Variants in ADAM11 observed in about 807,000 individuals in gnomAD.
ADAM11 encodes the protein ADAM metallopeptidase domain 11.
In ADAM11, 49 loss-of-function variants were observed where a neutral mutation model predicts 119.1. That is an observed-to-expected ratio of 0.41 (90% CI 0.33 to 0.52). The LOEUF (loss-of-function observed/expected upper bound fraction) is 0.52, where lower values mean the gene tolerates loss of function less well. Ranked by LOEUF, ADAM11 falls within the 20% of genes least tolerant of loss-of-function variation. The probability of loss-of-function intolerance (pLI) is 0.20; values close to 1 mark genes in which losing one functional copy is unlikely to be tolerated. For missense variants in ADAM11, 777 were observed against 1,047.5 expected, an observed-to-expected ratio of 0.74 and a Z score of 3.56; for synonymous variants, 364 against 408.0, an observed-to-expected ratio of 0.89 and a Z score of 1.30.
intron 2 of ADAM11, among the ~76,000 whole-genome samples, chr17:44,765,902 A>G (rs1366995921): frequency 6.6e-6 from 1 of 152,196 alleles, no homozygotes; most frequent in African/African-American, 2.4e-5. Context: ...GGCGTAAGCC[A>G]CTGCTCCTGG....
chr17:44,778,274 C>T lies in ADAM11; in HGVS notation c.2276+32C>T, dbSNP rs1415347498. On this transcript the variant is annotated intron_variant, in intron 25 of 26. Transcript: ENST00000200557. ...GACACACACACCCTGTGCCCCCTGG[C>T]ATCCTTGAGGGGGGATCAGAATCCC... 5 of 1,587,252 alleles carry T rather than the reference C, an allele frequency of 3.2e-6. No homozygotes were observed. The South Asian group carries it at 3.4e-5, about 11-fold the overall frequency.
chr17:44,759,522 G>A, intron 1 of ADAM11, 200 bp from the exon 2 acceptor site: 1 of 1,243,170 alleles, frequency 8.0e-7, no homozygotes, highest in Non-Finnish European at 1.0e-6. Context: ...GGGGGCAGTC[G>A]TGACGGTTGG....
chr17:44,776,957 G>A lies in ADAM11; in HGVS notation c.1676G>A (p.Gly559Asp). ...TRDRQCQVLWGHAAADRFCYE... is the reference protein window; with the variant it reads ...TRDRQCQVLWDHAAADRFCYE... ...GACCGGCAGTGCCAGGTTCTTTGGG[G>A]CCATGGTGAGTCTGGCTAGGGCTGG... is the stretch of plus-strand genomic sequence containing the variant. The change falls in exon 20 of 27, where the codon GGC (glycine) becomes GAC (aspartate). Residue 559 changes from glycine (G) to aspartate (D), a missense_variant. Gly to Asp is a moderately conservative substitution (Grantham distance 94). Around this residue, in one of 4 missense-constraint regions of ADAM11, gnomAD observed 348 missense variants for 486.7 expected, o/e 0.72. Transcript: ENST00000200557. This position sits in a 1 kb window ranked among gnomAD's most constrained non-coding sequence, Gnocchi z 5.2. 6.2e-7 allele frequency: 1 copy of A among 1,612,396 alleles called. No individual in the cohort carries two copies. The highest frequency in any genetic ancestry group is 1.3e-5 in the African/African-American group (1 of 75,008).
At chr17:44,766,547 C>A (rs2145212440) in intron 2 of ADAM11, among the ~76,000 whole-genome samples, 1 of 152,272 alleles carries the variant, frequency 6.6e-6, no homozygotes, top group Admixed American at 6.5e-5. Context: ...GCCAGGCAGT[C>A]ACAGCTGCTG....
At position 44,780,540 on chromosome 17, in the gene ADAM11, A is replaced by C; in HGVS notation, c.*786A>C. On this transcript the variant is annotated 3_prime_UTR_variant, in exon 27 of 27. Transcript: ENST00000200557. The stretch of plus-strand genomic sequence containing the variant: ...CGTCCTGCTGTCCCTGTCAGGACAC[A>C]TGGATTTTGGCAGGGCGGGGGGGGT... The C allele has an allele frequency of 5.2e-6, 1 of 193,034 alleles. No individual in the cohort carries two copies. Among genetic ancestry groups the C allele is most frequent in the Non-Finnish European group, 1.0e-5 (1 of 99,048 alleles). The allele number at this position is 193,034 out of a possible 1,614,324, so 12.0% of individuals were successfully genotyped here.
Position 44,778,518 on chromosome 17 carries a change from C to T in ADAM11, c.2276+276C>T, listed in dbSNP as rs191542484. 9.2e-5 allele frequency among the ~76,000 whole-genome samples: 14 copies of T among 151,662 alleles called. No individual in the cohort carries two copies. In the East Asian group the frequency reaches 2.7e-3, roughly 29 times the overall value. ...ACCAGTCTGGCCAACATGGTGAAAC[C>T]CCGTCTCTATTAAAAATACAAAAAT... On this transcript the variant is annotated intron_variant, in intron 25 of 26. Coordinates refer to ENST00000200557, the MANE Select transcript of ADAM11 (RefSeq NM_002390.6).
chr17:44,778,936 G>T (rs1239245898), intron 25 of ADAM11, among the ~76,000 whole-genome samples: 1 of 152,106 alleles, frequency 6.6e-6, no homozygotes, highest in African/African-American at 2.4e-5. Flanking sequence ...GCGTGTCTAA[G>T]TTTGGGGTCC....
intron 5 of ADAM11, 39 bp from the exon 6 acceptor site, chr17:44,771,717 G>T (rs2049526695): frequency 6.2e-7 from 1 of 1,612,176 alleles, no homozygotes; most frequent in Non-Finnish European, 8.5e-7. Context: ...TCTGGCCCAG[G>T]CCTGGGGACG....
intron 2 of ADAM11, among the ~76,000 whole-genome samples, 191 bp downstream of exon 2, chr17:44,760,088 C>T (rs1474806117): frequency 6.6e-6 from 1 of 152,182 alleles, no homozygotes; most frequent in Non-Finnish European, 1.5e-5. Context: ...CCAGGGCCCC[C>T]TTCCATTATT....
Position 44,775,224 on chromosome 17 carries a change from C to T in ADAM11, c.1233C>T (p.Pro411=), listed in dbSNP as rs1443683976. The T allele has an allele frequency of 5.6e-6, 9 of 1,613,616 alleles. No individual in the cohort carries two copies. In the Admixed American group the frequency reaches 1.2e-4, roughly 21 times the overall value. ...TCGCCCTATCCAGGTTCTACCTGCC[C>T]CGCAAGTTCTCGCGCTGTAGCATCG... The part of the protein sequence containing the change: ...CIMEDTGFYL[P]RKFSRCSIDE... The change falls in exon 15 of 27, where the codon CCC becomes CCT. Residue 411 remains proline (P), a synonymous_variant. Transcript: ENST00000200557. This position sits in a 1 kb window ranked among gnomAD's most constrained non-coding sequence, Gnocchi z 7.5.
intron 4 of ADAM11, among the ~76,000 whole-genome samples, chr17:44,770,488 T>TCACCCCCCCCCCCCCC (rs1158996609): frequency 1.7e-5 from 1 of 60,248 alleles, no homozygotes; most frequent in African/African-American, 5.3e-5. Flanking sequence ...ATAGCCTGTC[T>TCACCCCCCCCCCCCCC]CCCCCCCCCC....
chr17:44,780,054 T>A lies in ADAM11; in HGVS notation c.*300T>A. 1 of 684,788 alleles carries A rather than the reference T, an allele frequency of 1.5e-6. No individual in the cohort carries two copies. The highest frequency in any genetic ancestry group is 1.5e-5 in the South Asian group (1 of 66,632). The allele number at this position is 684,788 out of a possible 1,614,324, so 42.4% of individuals were successfully genotyped here. A position where few individuals can be genotyped will look rare whatever the true frequency, so the allele number is the denominator to read the frequency against. On this transcript the variant is annotated 3_prime_UTR_variant, in exon 27 of 27. Transcript: ENST00000200557. ...ACCTCATGGATTGCCACAGCTCAAC[T>A]CGGGGGCGCCTGGAGGGATGCCCCC...
rs533345715 is a variant in ADAM11, at chr17:44,780,385, C to A, written c.*631C>A. 5 of 338,490 alleles carry A rather than the reference C, an allele frequency of 1.5e-5. No homozygotes were observed. The East Asian group carries it at 3.5e-4, about 24-fold the overall frequency. The allele number at this position is 338,490 out of a possible 1,614,324, so 21.0% of individuals were successfully genotyped here. A position where few individuals can be genotyped will look rare whatever the true frequency, so the allele number is the denominator to read the frequency against. The stretch of plus-strand genomic sequence containing the variant: ...GGGGCTGGGCATCCCAGCTTGCCCC[C>A]GCTTAGCCCCGCTGAGCTTGGAGGA... On this transcript the variant is annotated 3_prime_UTR_variant, in exon 27 of 27. Coordinates refer to ENST00000200557, the MANE Select transcript of ADAM11 (RefSeq NM_002390.6).
At position 44,777,506 on chromosome 17, in the gene ADAM11, CTG is replaced by C; in HGVS notation, c.1810_1811del (p.Val604GlnfsTer17). 6.2e-7 allele frequency: 1 copy of C among 1,614,200 alleles called. No individual in the cohort carries two copies. The highest frequency in any genetic ancestry group is 2.2e-5 in the East Asian group (1 of 44,886). The part of the protein sequence containing the change: ...KQDVLCGFLL[C>X]VNISGAPRLG... Reference sequence around the variant, plus strand: ...GGGACGTGCTGTGTGGCTTCCTCCTCTGTGTCAACATCTCTGGAGCTCCTCGG... The same window carrying C: ...GGGACGTGCTGTGTGGCTTCCTCCTCTGTCAACATCTCTGGAGCTCCTCGG... On this transcript the variant is annotated frameshift_variant, in exon 22 of 27. Coordinates refer to ENST00000200557, the MANE Select transcript of ADAM11 (RefSeq NM_002390.6). LOFTEE classifies it high-confidence loss of function. This position sits in a 1 kb window ranked among gnomAD's most constrained non-coding sequence, Gnocchi z 5.1.
chr17:44,767,550 G>A (rs1248527735), intron 2 of ADAM11, among the ~76,000 whole-genome samples: 1 of 152,084 alleles, frequency 6.6e-6, no homozygotes, highest in Non-Finnish European at 1.5e-5. Context: ...CCCGCATGGG[G>A]CCAGGCCAGG....
Position 44,780,000 on chromosome 17 carries a change from A to G in ADAM11, c.*246A>G, listed in dbSNP as rs2049670336. 1.4e-6 allele frequency: 1 copy of G among 704,622 alleles called. No homozygotes were observed. The highest frequency in any genetic ancestry group is 2.6e-6 in the Non-Finnish European group (1 of 388,204). 43.6% of individuals were successfully genotyped at this position (704,622 alleles called of 1,614,324 possible). A position where few individuals can be genotyped will look rare whatever the true frequency, so the allele number is the denominator to read the frequency against. ...CACCTCCTGCGGCTCAGCCTTGCAC[A>G]CCCACTGCCCCGTGTGAATGTAGCT... On this transcript the variant is annotated 3_prime_UTR_variant, in exon 27 of 27. Coordinates refer to ENST00000200557, the MANE Select transcript of ADAM11 (RefSeq NM_002390.6).
rs2070603 is a variant in ADAM11 at position 44,777,880 on chromosome 17, T to C, written c.2070+17T>C. ...CACCACGGGGTGACTGCCTGGAGCC[T>C]GGGATGGCGGGAGAAGCTTACAAGA... On this transcript the variant is annotated intron_variant, in intron 23 of 26. Transcript: ENST00000200557. This position sits in a 1 kb window ranked among gnomAD's most constrained non-coding sequence, Gnocchi z 5.1. 0.62 allele frequency: 1,002,144 copies of C among 1,613,232 alleles called. 313,596 individuals are homozygous for C. The highest frequency in any genetic ancestry group is 0.8 in the East Asian group (35,732 of 44,874).
At chr17:44,766,110 C>T (rs1433653334) in intron 2 of ADAM11, among the ~76,000 whole-genome samples, 1 of 152,172 alleles carries the variant, frequency 6.6e-6, no homozygotes. Context: ...AAGTGTATGT[C>T]TACTGTGTGC....
At chr17:44,764,047 C>A (rs560764753) in intron 2 of ADAM11, among the ~76,000 whole-genome samples, 7 of 152,282 alleles carry the variant, frequency 4.6e-5, no homozygotes, top group Admixed American at 4.6e-4. Context: ...TTGCACCAAG[C>A]TGCTGTATGG....
Sources: gnomAD v4.1 joint callset for allele counts (sites outside exome capture counted in the v4.1 genomes callset) on GRCh38, gnomAD v4.1.1 for gene constraint, gnomAD v4.1.1 regional missense constraint, Gnocchi (gnomAD v3.1) non-coding constraint, MANE v1.5 for transcripts, NCBI Gene and HGNC (gene_info 2026-07-23, HGNC 2026-07-21) for gene names.